FMN1: variants seen among roughly 807,000 people sequenced by gnomAD.
FMN1 encodes formin-1.
In FMN1, 110 loss-of-function variants were observed where a neutral mutation model predicts 132.4. That is an observed-to-expected ratio of 0.83 (90% CI 0.71 to 0.97). The LOEUF (loss-of-function observed/expected upper bound fraction) is 0.97, where lower values mean the gene tolerates loss of function less well. Among genes scored for constraint, FMN1 ranks in the 50% least tolerant of loss-of-function variants. FMN1 has a pLI of 0.00. For missense variants in FMN1, 1,792 were observed against 1,705.3 expected, an observed-to-expected ratio of 1.05 and a Z score of -0.90; for synonymous variants, 722 against 651.7, an observed-to-expected ratio of 1.11 and a Z score of -1.64.
chr15:33,047,470 A>G (rs1566863849), intron 6 of FMN1, among the ~76,000 whole-genome samples: 1 of 152,242 alleles, frequency 6.6e-6, no homozygotes, highest in South Asian at 2.1e-4. Flanking sequence ...AGTCAGCTTA[A>G]TTAAAGCAAA....
intron 5 of FMN1, among the ~76,000 whole-genome samples, chr15:33,074,833 T>G (rs1335189085): frequency 6.6e-6 from 1 of 151,682 alleles, no homozygotes; most frequent in African/African-American, 2.4e-5. Context: ...CTGGTCAAGA[T>G]GGTGGAACTC....
chr15:32,796,434 G>C (rs1030486480), intron 19 of FMN1, among the ~76,000 whole-genome samples: 1 of 152,056 alleles, frequency 6.6e-6, no homozygotes, highest in Non-Finnish European at 1.5e-5. Flanking sequence ...CACATCATCA[G>C]GTTTTTATTT....
At chr15:33,087,271 A>T (rs887634855) in intron 5 of FMN1, among the ~76,000 whole-genome samples, 1 of 152,152 alleles carries the variant, frequency 6.6e-6, no homozygotes, top group Non-Finnish European at 1.5e-5. Flanking sequence ...AGGTAGCTGG[A>T]TGTGGTGGCT....
intron 9 of FMN1, among the ~76,000 whole-genome samples, chr15:32,960,840 A>G (rs1231941747): frequency 6.6e-6 from 1 of 151,836 alleles, no homozygotes; most frequent in Non-Finnish European, 1.5e-5. Flanking sequence ...TACTAAAAAT[A>G]CAAAATTAGC....
chr15:33,180,296 C>T (rs11638642), intron 2 of FMN1, 34 bp from the exon 3 acceptor site: 38,216 of 151,624 alleles, frequency 0.25, 6,108 homozygotes, highest in Non-Finnish European at 0.37. Context: ...TCAAGGCTCA[C>T]CTGAAGTAAT....
intron 17 of FMN1, among the ~76,000 whole-genome samples, chr15:32,838,134 A>C (rs1268955702): frequency 3.9e-5 from 6 of 152,192 alleles, no homozygotes; most frequent in Non-Finnish European, 8.8e-5. Flanking sequence ...GTGATTCCTG[A>C]ATATGAAGGA....
intron 15 of FMN1, among the ~76,000 whole-genome samples, chr15:32,896,151 A>C (rs1420657035): frequency 6.6e-6 from 1 of 152,036 alleles, no homozygotes; most frequent in Admixed American, 6.6e-5. Flanking sequence ...TACTTGACAC[A>C]TATTTATTTA....
intron 5 of FMN1, chr15:33,067,430 T>C: frequency 6.2e-7 from 1 of 1,614,008 alleles, no homozygotes; most frequent in Non-Finnish European, 8.5e-7. Flanking sequence ...CTGGCCACCA[T>C]CATCAGAGTC....
chr15:33,145,448 C>T (rs1378479964), intron 4 of FMN1, among the ~76,000 whole-genome samples: 1 of 151,724 alleles, frequency 6.6e-6, no homozygotes, highest in Non-Finnish European at 1.5e-5. Flanking sequence ...CTTTCAATGT[C>T]CTAAAGAAAT....
intron 19 of FMN1, 106 bp downstream of exon 19, chr15:32,798,698 C>T (rs201061237): frequency 4.3e-5 from 46 of 1,074,150 alleles, no homozygotes; most frequent in African/African-American, 2.1e-4. Flanking sequence ...CCACTTCATC[C>T]GAAAGAAAAC....
At chr15:32,830,037 CTTCT>C (rs923492076) in intron 17 of FMN1, among the ~76,000 whole-genome samples, 5 of 152,084 alleles carry the variant, frequency 3.3e-5, no homozygotes, top group African/African-American at 4.8e-5. Flanking sequence ...ATTTTAATGT[CTTCT>C]TTATTTTTAA....
chr15:32,977,581 G>T (rs1027574717), intron 7 of FMN1, among the ~76,000 whole-genome samples: 13 of 152,018 alleles, frequency 8.6e-5, no homozygotes, highest in African/African-American at 3.1e-4. Flanking sequence ...TTTTATATAT[G>T]TCTGAAATGA....
In FMN1 at chr15:32,771,518, C is replaced by T. The variant is rs1437939629; in HGVS notation, c.*2792G>A. ...ATCTGAACTACTGTCAAACTGTGTC[C>T]TCAGATTTAATGAATATTGTCTAAG... On this transcript the variant is annotated 3_prime_UTR_variant, in exon 21 of 21. Coordinates refer to ENST00000616417, the MANE Select transcript of FMN1 (RefSeq NM_001277313.2). 1 of 152,162 alleles carries T rather than the reference C, an allele frequency of 6.6e-6. No homozygotes were observed. Among genetic ancestry groups the T allele is most frequent in the Non-Finnish European group, 1.5e-5 (1 of 68,020 alleles). 9.4% of individuals were successfully genotyped at this position (152,162 alleles called of 1,614,324 possible).
intron 19 of FMN1, among the ~76,000 whole-genome samples, chr15:32,789,729 A>G (rs1333113257): frequency 1.3e-5 from 2 of 152,114 alleles, no homozygotes; most frequent in East Asian, 3.9e-4. Context: ...GCAATTTCCA[A>G]TCCTGCAACC....
intron 6 of FMN1, among the ~76,000 whole-genome samples, chr15:33,015,446 C>A (rs1182301087): frequency 6.6e-6 from 1 of 152,166 alleles, no homozygotes; most frequent in Non-Finnish European, 1.5e-5. Flanking sequence ...CCTGTAGTTA[C>A]TAGTTTCTGG....
At chr15:32,831,435 G>A (rs141949124) in intron 17 of FMN1, among the ~76,000 whole-genome samples, 11 of 152,212 alleles carry the variant, frequency 7.2e-5, no homozygotes, top group African/African-American at 2.6e-4. Flanking sequence ...TAAAACAGGT[G>A]GGGCTTGATG....
intron 16 of FMN1, among the ~76,000 whole-genome samples, chr15:32,864,107 G>A (rs1480299704): frequency 1.3e-5 from 2 of 152,100 alleles, no homozygotes; most frequent in African/African-American, 2.4e-5. Context: ...GCTATCTACT[G>A]TACACACTTT....
chr15:32,959,552 C>T (rs1596346736), intron 9 of FMN1, among the ~76,000 whole-genome samples: 1 of 152,190 alleles, frequency 6.6e-6, no homozygotes, highest in Non-Finnish European at 1.5e-5. Context: ...TTTGCCTCCA[C>T]TTACAGAGAA....
At chr15:32,792,741 T>C (rs762478473) in intron 19 of FMN1, among the ~76,000 whole-genome samples, 2 of 152,088 alleles carry the variant, frequency 1.3e-5, no homozygotes, top group Non-Finnish European at 2.9e-5. Context: ...CTATTTAATA[T>C]TAAAAGGAAA....
Sources: allele counts gnomAD v4.1 joint callset (sites outside exome capture counted in the v4.1 genomes callset), GRCh38; gene constraint gnomAD v4.1.1; transcripts MANE v1.5; gene names NCBI Gene and HGNC (gene_info 2026-07-23, HGNC 2026-07-21).